CPA5: variants seen among roughly 807,000 people sequenced by gnomAD.
CPA5 encodes the protein carboxypeptidase A5, also known as testicular tissue protein Li 32.
CPA5 carries 38 observed loss-of-function variants against 52.2 expected under a neutral mutation model. The ratio of observed to expected loss-of-function variants is 0.73; its 90% CI spans 0.56 to 0.95. CPA5 has a LOEUF of 0.95. CPA5 is among the 40% of genes least tolerant of loss of function. The pLI, the probability that CPA5 is intolerant of heterozygous loss-of-function variation, is 0.00. For synonymous variants in CPA5, 198 were observed against 213.7 expected, an observed-to-expected ratio of 0.93 and a Z score of 0.64; for missense variants, 519 against 566.7, an observed-to-expected ratio of 0.92 and a Z score of 0.86.
intron 3 of CPA5, among the ~76,000 whole-genome samples, chr7:130,347,322 C>T (rs1334966963): frequency 2.0e-5 from 3 of 152,350 alleles, no homozygotes; most frequent in South Asian, 2.1e-4. Flanking sequence ...TTCCGGGCGT[C>T]GAGACAGACC....
rs782320532 is a variant in CPA5 at position 130,362,919 on chromosome 7, A to T, written c.672A>T (p.Thr224=). The change falls in exon 9 of 13, where the codon ACA becomes ACT. Residue 224 remains threonine (T), a synonymous_variant. Coordinates refer to ENST00000474905, the MANE Select transcript of CPA5 (RefSeq NM_080385.5). ...ATTATGGCAAAGACCGTGTCCTGAC[A>T]GACATACTGAATGCCATGGACATCT... The part of the protein sequence containing the change: ...VSDYGKDRVL[T]DILNAMDIFI... 2.5e-5 allele frequency: 40 copies of T among 1,613,478 alleles called. No homozygotes were observed. The highest frequency in any genetic ancestry group is 4.0e-5 in the African/African-American group (3 of 74,908).
At chr7:130,372,690 G>C (rs971708012), downstream of CPA5, among the ~76,000 whole-genome samples, 3 of 152,220 alleles carry the variant, frequency 2.0e-5, no homozygotes, top group Non-Finnish European at 2.9e-5. Context: ...ATGCCTAGCT[G>C]TAAGGTAAGC....
At chr7:130,367,332 T>G in intron 10 of CPA5, 40 bp from the exon 11 acceptor site, 1 of 1,582,240 alleles carries the variant, frequency 6.3e-7, no homozygotes, top group Non-Finnish European at 8.7e-7. Flanking sequence ...GTGTCGCACG[T>G]GGGGATTTGA....
intron 5 of CPA5, among the ~76,000 whole-genome samples, chr7:130,353,755 C>T (rs1795317637): frequency 6.6e-6 from 1 of 152,184 alleles, no homozygotes; most frequent in Non-Finnish European, 1.5e-5. Context: ...TTTCTAACTG[C>T]TCTCCCCCAT....
chr7:130,371,344 T>C (rs1796292430), downstream of CPA5, among the ~76,000 whole-genome samples: 1 of 152,188 alleles, frequency 6.6e-6, no homozygotes, highest in Admixed American at 6.5e-5. Context: ...TGACTCAGGC[T>C]CAGACAGGAT....
At chr7:130,351,758 G>A (rs185637344) in intron 5 of CPA5, among the ~76,000 whole-genome samples, 4 of 152,246 alleles carry the variant, frequency 2.6e-5, no homozygotes, top group South Asian at 4.1e-4. Flanking sequence ...GGTTGCTGGC[G>A]TCCAGTCTTG....
intron 5 of CPA5, among the ~76,000 whole-genome samples, chr7:130,354,421 TCTCACTCC>T (rs1554404733): frequency 6.6e-6 from 1 of 151,980 alleles, no homozygotes; most frequent in African/African-American, 2.4e-5. Context: ...TGAGACAGGG[TCTCACTCC>T]CTCACCCAGG....
At chr7:130,357,595 C>T (rs1795550961) in intron 5 of CPA5, among the ~76,000 whole-genome samples, 2 of 151,200 alleles carry the variant, frequency 1.3e-5, no homozygotes, top group Admixed American at 6.6e-5. Context: ...TGTACTCCAG[C>T]CTGGCCAAGA....
intron 6 of CPA5, 40 bp downstream of exon 6, chr7:130,359,727 T>C (rs1795690521): frequency 6.9e-7 from 1 of 1,444,034 alleles, no homozygotes; most frequent in Non-Finnish European, 9.5e-7. Flanking sequence ...TCTTGTGTCT[T>C]TGGGCCCCTT....
chr7:130,362,948 T>C lies in CPA5; in HGVS notation c.701T>C (p.Ile234Thr), dbSNP rs782013864. Residue 234 changes from isoleucine to threonine, a missense_variant, in exon 9 of 13, where the codon ATA becomes ACA. Ile to Thr is a moderately conservative substitution (Grantham distance 89). Transcript: ENST00000474905. Reference protein sequence around the residue: ...TDILNAMDIFIELVTNPDGFA... With the variant: ...TDILNAMDIFTELVTNPDGFA... ...ATACTGAATGCCATGGACATCTTCA[T>C]AGAGCTCGTCACAAACCCTGATGGG... 1.1e-5 allele frequency: 18 copies of C among 1,613,790 alleles called. No individual in the cohort carries two copies. The highest frequency in any genetic ancestry group is 1.1e-4 in the South Asian group (10 of 91,082).
Position 130,347,856 on chromosome 7 carries a change from T to G in CPA5, c.198+9T>G. 6.2e-7 allele frequency: 1 copy of G among 1,612,010 alleles called. No homozygotes were observed. The highest frequency in any genetic ancestry group is 8.5e-7 in the Non-Finnish European group (1 of 1,178,358). ...GCCTGAAACCCCAGAAGGTGAGGACTCCTCAGGCTTGAGGACAACCCCACC... is the reference window on the plus strand; with the variant it reads ...GCCTGAAACCCCAGAAGGTGAGGACGCCTCAGGCTTGAGGACAACCCCACC... On this transcript the variant is annotated intron_variant, in intron 4 of 12. Coordinates refer to ENST00000474905, the MANE Select transcript of CPA5 (RefSeq NM_080385.5).
intron 10 of CPA5, among the ~76,000 whole-genome samples, chr7:130,366,200 C>T (rs775064832): frequency 6.6e-6 from 1 of 152,230 alleles, no homozygotes; most frequent in East Asian, 1.9e-4. Context: ...GTGCTGCATT[C>T]CTAGAGCATC....
At chr7:130,365,412 C>G (rs1198992600) in intron 10 of CPA5, among the ~76,000 whole-genome samples, 1 of 152,186 alleles carries the variant, frequency 6.6e-6, no homozygotes, top group Non-Finnish European at 1.5e-5. Flanking sequence ...CATATACACA[C>G]AGTGTACAAA....
intron 5 of CPA5, among the ~76,000 whole-genome samples, chr7:130,351,508 C>T (rs373212756): frequency 1.3e-5 from 2 of 152,196 alleles, no homozygotes; most frequent in African/African-American, 2.4e-5. Flanking sequence ...TTTGCCCTCC[C>T]TCTCAGGAAA....
rs1554407361 is a variant in CPA5 at position 130,363,410 on chromosome 7, C to T, written c.748-9C>T. ...AGTGAATGAGGTCACCTGTCCTGGG[C>T]TTTCCCAGAACCGCTTATGGCGGAA... On this transcript the variant is annotated splice_polypyrimidine_tract_variant and intron_variant, in intron 9 of 12. Coordinates refer to ENST00000474905, the MANE Select transcript of CPA5 (RefSeq NM_080385.5). 1 of 1,561,394 alleles carries T rather than the reference C, an allele frequency of 6.4e-7. No individual in the cohort carries two copies. Among genetic ancestry groups the T allele is most frequent in the African/African-American group, 1.3e-5 (1 of 74,172 alleles).
chr7:130,362,948 T>G lies in CPA5; in HGVS notation c.701T>G (p.Ile234Arg). The change falls in exon 9 of 13, where the codon ATA becomes AGA. Residue 234 changes from isoleucine (I) to arginine (R), a missense_variant. Transcript: ENST00000474905. ...ATACTGAATGCCATGGACATCTTCA[T>G]AGAGCTCGTCACAAACCCTGATGGG... ...TDILNAMDIFIELVTNPDGFA... is the reference protein window; with the variant it reads ...TDILNAMDIFRELVTNPDGFA... 6.2e-7 allele frequency: 1 copy of G among 1,613,908 alleles called. No homozygotes were observed. The highest frequency in any genetic ancestry group is 8.5e-7 in the Non-Finnish European group (1 of 1,179,864).
intron 12 of CPA5, 70 bp downstream of exon 12, chr7:130,368,060 A>T (rs2241272): frequency 0.54 from 758,075 of 1,413,134 alleles, 206,736 homozygotes; most frequent in African/African-American, 0.76. Flanking sequence ...GGCAGTGCCA[A>T]GGATCTAGCT....
chr7:130,358,918 A>G (rs1364502795), intron 5 of CPA5, among the ~76,000 whole-genome samples: 1 of 152,232 alleles, frequency 6.6e-6, no homozygotes, highest in Non-Finnish European at 1.5e-5. Flanking sequence ...ACCCAAGGAC[A>G]TTGCTTTTGG....
At chr7:130,356,293 T>C (rs1795472721) in intron 5 of CPA5, among the ~76,000 whole-genome samples, 1 of 152,212 alleles carries the variant, frequency 6.6e-6, no homozygotes, top group Non-Finnish European at 1.5e-5. Context: ...CATCCTTCCT[T>C]GACTCATCGT....
Sources: gnomAD v4.1 joint callset for allele counts (sites outside exome capture counted in the v4.1 genomes callset) on GRCh38, gnomAD v4.1.1 for gene constraint, MANE v1.5 for transcripts, NCBI Gene and HGNC (gene_info 2026-07-23, HGNC 2026-07-21) for gene names.